ARHGEF28: variants seen among roughly 807,000 people sequenced by gnomAD.
The protein encoded by ARHGEF28 is Rho guanine nucleotide exchange factor 28.
A neutral mutation model predicts 206.6 loss-of-function variants in ARHGEF28; 152 were observed. The ratio of observed to expected loss-of-function variants is 0.74; its 90% CI spans 0.64 to 0.84. The LOEUF is 0.84. Among genes scored for constraint, ARHGEF28 ranks in the 40% least tolerant of loss-of-function variants. ARHGEF28 has a pLI of 0.00. For missense variants in ARHGEF28, 2,028 were observed against 2,073.2 expected, an observed-to-expected ratio of 0.98 and a Z score of 0.42; for synonymous variants, 763 against 776.4, an observed-to-expected ratio of 0.98 and a Z score of 0.29.
At chr5:73,735,233 T>G (rs1392832632) in intron 2 of ARHGEF28, among the ~76,000 whole-genome samples, 1 of 151,190 alleles carries the variant, frequency 6.6e-6, no homozygotes, top group Non-Finnish European at 1.5e-5. Flanking sequence ...TTTTATTAAT[T>G]AAATTAAAAT....
intron 5 of ARHGEF28, among the ~76,000 whole-genome samples, chr5:73,774,317 AC>A (rs1375021028): frequency 6.6e-6 from 1 of 152,158 alleles, no homozygotes; most frequent in Admixed American, 6.5e-5. Context: ...TTAAATGTCA[AC>A]CCCTTCTGTG....
chr5:73,789,068 G>T (rs913903186), intron 7 of ARHGEF28, among the ~76,000 whole-genome samples: 6 of 152,108 alleles, frequency 3.9e-5, no homozygotes, highest in Non-Finnish European at 8.8e-5. Flanking sequence ...TTACTTGAAA[G>T]AATGTTCATT....
At chr5:73,864,218 T>C (rs1759567944) in intron 16 of ARHGEF28, among the ~76,000 whole-genome samples, 1 of 152,176 alleles carries the variant, frequency 6.6e-6, no homozygotes, top group African/African-American at 2.4e-5. Context: ...AGGGAAAGTA[T>C]TCCCTTACAT....
chr5:73,865,992 A>T lies in ARHGEF28; in HGVS notation c.2131A>T (p.Lys711Ter). ...KKFQEKYNKN[K>*]PQTILGNSSF... The stretch of plus-strand genomic sequence containing the variant: ...ATTCCAAGAGAAATATAACAAGAAC[A>T]AACCACAGACCATCCTTGGAAGTAA... Residue 711 changes from lysine to a stop codon, truncating the protein, a stop_gained, in exon 18 of 36, where the codon AAA (lysine) becomes TAA (stop). Transcript: ENST00000513042. LOFTEE classifies it high-confidence loss of function. 6.2e-7 allele frequency: 1 copy of T among 1,605,288 alleles called. No individual in the cohort carries two copies. The highest frequency in any genetic ancestry group is 8.5e-7 in the Non-Finnish European group (1 of 1,174,728).
rs79762399 is a variant in ARHGEF28 at position 73,722,986 on chromosome 5, T to C, written c.34-26851T>C. ...TTCCCTTTCAAGAACATTAGCTTGCTAGCCATCCTTTCTTATGTAGTATGA... is the reference window on the plus strand; with the variant it reads ...TTCCCTTTCAAGAACATTAGCTTGCCAGCCATCCTTTCTTATGTAGTATGA... On this transcript the variant is annotated intron_variant, in intron 2 of 35. Transcript: ENST00000513042. 7.8e-3 allele frequency among the ~76,000 whole-genome samples: 1,188 copies of C among 152,334 alleles called. 10 individuals are homozygous for C. Among genetic ancestry groups the C allele is most frequent in the African/African-American group, 0.027 (1,116 of 41,566 alleles).
At chr5:73,759,910 T>C (rs192496610) in intron 4 of ARHGEF28, among the ~76,000 whole-genome samples, 5,171 of 152,308 alleles carry the variant, frequency 0.034, 302 homozygotes, top group African/African-American at 0.12. Context: ...AAATATCTGT[T>C]TCTCTTTCTT....
intron 22 of ARHGEF28, among the ~76,000 whole-genome samples, chr5:73,876,147 G>T (rs1156364742): frequency 2.7e-5 from 4 of 148,958 alleles, no homozygotes; most frequent in African/African-American, 1.0e-4. Flanking sequence ...TCCCTTGTAA[G>T]TTGGATTCCT....
At chr5:73,642,657 C>T (rs557995771) in intron 1 of ARHGEF28, among the ~76,000 whole-genome samples, 1 of 151,936 alleles carries the variant, frequency 6.6e-6, no homozygotes, top group South Asian at 2.1e-4. Flanking sequence ...TTGATTCCGT[C>T]TTCTTGGTTC....
At chr5:73,828,860 G>A (rs1293386298) in intron 9 of ARHGEF28, among the ~76,000 whole-genome samples, 7 of 147,636 alleles carry the variant, frequency 4.7e-5, no homozygotes, top group East Asian at 2.0e-4. Context: ...TTATTCTGTC[G>A]TCCAGGCTGG....
chr5:73,673,206 C>T (rs896817209), intron 1 of ARHGEF28, among the ~76,000 whole-genome samples: 7 of 152,180 alleles, frequency 4.6e-5, no homozygotes, highest in Non-Finnish European at 8.8e-5. Context: ...TTTACTTAGA[C>T]TTGGCCTTAT....
At chr5:73,811,780 C>G (rs896967120) in intron 9 of ARHGEF28, among the ~76,000 whole-genome samples, 1 of 151,964 alleles carries the variant, frequency 6.6e-6, no homozygotes, top group East Asian at 1.9e-4. Context: ...GTCAGGAGTT[C>G]GAGACCAGCC....
At chr5:73,759,008 G>C (rs777309670) in intron 4 of ARHGEF28, among the ~76,000 whole-genome samples, 5 of 152,136 alleles carry the variant, frequency 3.3e-5, no homozygotes, top group Non-Finnish European at 7.4e-5. Context: ...TGAACTTTTG[G>C]AACTCTTCTA....
intron 22 of ARHGEF28, among the ~76,000 whole-genome samples, chr5:73,875,794 C>A (rs1277494976): frequency 1.3e-5 from 2 of 152,088 alleles, no homozygotes; most frequent in Non-Finnish European, 2.9e-5. Flanking sequence ...TGTTTTGGTA[C>A]CAGTACCATG....
intron 35 of ARHGEF28, among the ~76,000 whole-genome samples, chr5:73,936,250 T>C (rs990434116): frequency 2.6e-5 from 4 of 152,192 alleles, no homozygotes; most frequent in Non-Finnish European, 5.9e-5. Context: ...ACTGCGGAGT[T>C]TGATTATGGA....
At chr5:73,862,454 C>A (rs1759456085) in intron 16 of ARHGEF28, among the ~76,000 whole-genome samples, 1 of 152,078 alleles carries the variant, frequency 6.6e-6, no homozygotes, top group Non-Finnish European at 1.5e-5. Flanking sequence ...GGGTTTTTAA[C>A]ATTTTACATT....
intron 3 of ARHGEF28, among the ~76,000 whole-genome samples, chr5:73,752,310 C>T (rs548644527): frequency 1.3e-5 from 2 of 152,144 alleles, no homozygotes; most frequent in East Asian, 3.9e-4. Context: ...TTGAGAACAC[C>T]TACAAGACAG....
At chr5:73,915,392 T>C (rs1488046808) in intron 35 of ARHGEF28, among the ~76,000 whole-genome samples, 1 of 152,250 alleles carries the variant, frequency 6.6e-6, no homozygotes, top group Non-Finnish European at 1.5e-5. Flanking sequence ...TAAAGAACTT[T>C]ACTTTCCAGT....
At chr5:73,867,659 C>A (rs373373038) in intron 18 of ARHGEF28, among the ~76,000 whole-genome samples, 11 of 152,274 alleles carry the variant, frequency 7.2e-5, no homozygotes, top group African/African-American at 2.6e-4. Context: ...AGTGGAGATG[C>A]GGAAGCAGGC....
At chr5:73,703,939 G>A (rs1748761431) in intron 2 of ARHGEF28, among the ~76,000 whole-genome samples, 1 of 151,544 alleles carries the variant, frequency 6.6e-6, no homozygotes. Context: ...CAGGAGAATC[G>A]CTTGAACACA....
Sources: gnomAD v4.1 joint callset for allele counts (sites outside exome capture counted in the v4.1 genomes callset) on GRCh38, gnomAD v4.1.1 for gene constraint, MANE v1.5 for transcripts, NCBI Gene and HGNC (gene_info 2026-07-23, HGNC 2026-07-21) for gene names.